Variants in INPP4B observed in about 807,000 individuals in gnomAD.
INPP4B encodes the protein inositol polyphosphate-4-phosphatase type II B.
A neutral mutation model predicts 122.5 loss-of-function variants in INPP4B; 55 were observed. That is an observed-to-expected ratio of 0.45 (90% CI 0.36 to 0.56). The LOEUF (loss-of-function observed/expected upper bound fraction) is 0.56, where lower values mean the gene tolerates loss of function less well. Among genes scored for constraint, INPP4B ranks in the 20% least tolerant of loss-of-function variants. The probability of loss-of-function intolerance (pLI) is 0.00; values close to 1 mark genes in which losing one functional copy is unlikely to be tolerated. For missense variants in INPP4B, 1,000 were observed against 1,097.7 expected (o/e 0.91, Z 1.26); for synonymous variants, 403 against 388.7 (o/e 1.04, Z -0.43).
At chr4:142,220,268 C>T (rs1366895156) in intron 12 of INPP4B, among the ~76,000 whole-genome samples, 1 of 152,176 alleles carries the variant, frequency 6.6e-6, no homozygotes, top group Non-Finnish European at 1.5e-5. Flanking sequence ...AGGCTCCCAC[C>T]TGAGGGACTC....
rs1010557593 is a variant in INPP4B at position 142,567,550 on chromosome 4, T to G, written c.-190-104824A>C. ...AAAGGTAGAATGAACAAGAGAAGTA[T>G]CCTTCATTTTAGGTAATACATGAAA... On this transcript the variant is annotated intron_variant, in intron 2 of 25. Transcript: ENST00000262992. Among the ~76,000 whole-genome samples, 6 of 152,302 alleles carry G rather than the reference T, an allele frequency of 3.9e-5. No homozygotes were observed. In the East Asian group the frequency reaches 1.2e-3, roughly 29 times the overall value.
chr4:142,464,182 T>C (rs1817281122), intron 2 of INPP4B, among the ~76,000 whole-genome samples: 1 of 152,172 alleles, frequency 6.6e-6, no homozygotes, highest in Non-Finnish European at 1.5e-5. Context: ...AATTTACTAT[T>C]ATATATAATT....
intron 7 of INPP4B, among the ~76,000 whole-genome samples, chr4:142,368,077 A>G (rs1175117718): frequency 6.6e-6 from 1 of 152,200 alleles, no homozygotes; most frequent in Non-Finnish European, 1.5e-5. Flanking sequence ...GCAACCGTGT[A>G]AGCTCTCCAA....
At chr4:142,842,485 G>A (rs1783613358) in intron 1 of INPP4B, among the ~76,000 whole-genome samples, 1 of 144,818 alleles carries the variant, frequency 6.9e-6, no homozygotes, top group Non-Finnish European at 1.5e-5. Flanking sequence ...ATAAGATAGT[G>A]AGTACAACTG....
At chr4:142,616,787 C>G (rs1218903534) in intron 2 of INPP4B, among the ~76,000 whole-genome samples, 1 of 152,028 alleles carries the variant, frequency 6.6e-6, no homozygotes, top group Non-Finnish European at 1.5e-5. Flanking sequence ...TCTTTTACAG[C>G]AACATGGATA....
intron 22 of INPP4B, among the ~76,000 whole-genome samples, chr4:142,111,860 T>C (rs1219842950): frequency 6.6e-6 from 1 of 151,938 alleles, no homozygotes; most frequent in African/African-American, 2.4e-5. Flanking sequence ...TCTCCTGCCT[T>C]AGCCTCCTGA....
chr4:142,075,190 C>T (rs10006618), intron 25 of INPP4B, among the ~76,000 whole-genome samples: 3,893 of 152,068 alleles, frequency 0.026, 193 homozygotes, highest in African/African-American at 0.089. Context: ...AGTAGATATA[C>T]AAAAGATGTT....
intron 25 of INPP4B, among the ~76,000 whole-genome samples, chr4:142,042,945 G>A (rs1284666194): frequency 6.6e-6 from 1 of 152,110 alleles, no homozygotes; most frequent in Non-Finnish European, 1.5e-5. Flanking sequence ...GAAATGGATG[G>A]AGCGAACTAT....
chr4:142,723,717 AT>A (rs1764986303), intron 2 of INPP4B, among the ~76,000 whole-genome samples: 1 of 152,152 alleles, frequency 6.6e-6, no homozygotes, highest in Admixed American at 6.5e-5. Flanking sequence ...GAATGGTTCC[AT>A]TTGTTTAAAA....
chr4:142,135,915 G>T (rs908853250), intron 18 of INPP4B, among the ~76,000 whole-genome samples: 4 of 152,136 alleles, frequency 2.6e-5, no homozygotes, highest in Non-Finnish European at 5.9e-5. Flanking sequence ...TCCTGCCTCA[G>T]CCTCCTGAGT....
chr4:142,741,811 AAGAAGAG>A (rs1767941995), intron 1 of INPP4B, among the ~76,000 whole-genome samples: 1 of 151,882 alleles, frequency 6.6e-6, no homozygotes, highest in Non-Finnish European at 1.5e-5. Flanking sequence ...AGATTCCCTG[AAGAAGAG>A]AGAAGAGAGA....
intron 9 of INPP4B, chr4:142,287,521 A>G (rs981737045): frequency 6.6e-6 from 1 of 152,162 alleles, no homozygotes; most frequent in Non-Finnish European, 1.5e-5. Flanking sequence ...CGGCTTACTA[A>G]GCATTTCCGA....
intron 2 of INPP4B, among the ~76,000 whole-genome samples, chr4:142,610,163 T>G (rs1439713652): frequency 1.3e-5 from 2 of 152,082 alleles, no homozygotes; most frequent in African/African-American, 4.8e-5. Context: ...TCCATACTGT[T>G]CTCATGGTAG....
intron 2 of INPP4B, among the ~76,000 whole-genome samples, chr4:142,485,637 C>T (rs1272689829): frequency 6.6e-6 from 1 of 151,966 alleles, no homozygotes; most frequent in East Asian, 1.9e-4. Flanking sequence ...TTGTAAGATC[C>T]ATTGCACAAA....
intron 7 of INPP4B, among the ~76,000 whole-genome samples, chr4:142,321,685 T>C (rs1770103575): frequency 6.6e-6 from 1 of 152,072 alleles, no homozygotes; most frequent in Non-Finnish European, 1.5e-5. Flanking sequence ...TTGAATAGAG[T>C]GTCCTTTCCC....
chr4:142,395,608 A>C (rs1039491573), intron 7 of INPP4B, among the ~76,000 whole-genome samples: 1 of 152,200 alleles, frequency 6.6e-6, no homozygotes, highest in Non-Finnish European at 1.5e-5. Context: ...TTAGCACTGC[A>C]ACATTCATTG....
chr4:142,244,287 C>CTTTTTTTTTTTTTT (rs56945961), intron 11 of INPP4B, among the ~76,000 whole-genome samples: 1 of 73,750 alleles, frequency 1.4e-5, no homozygotes, highest in Admixed American at 1.7e-4. Context: ...GTATATGTGC[C>CTTTTTTTTTTTTTT]TTTTTTTTTT....
chr4:142,716,159 C>T (rs1399255764), intron 2 of INPP4B, among the ~76,000 whole-genome samples: 1 of 152,168 alleles, frequency 6.6e-6, no homozygotes, highest in Non-Finnish European at 1.5e-5. Context: ...ATAGTCCTCA[C>T]CTCTTGATGG....
intron 2 of INPP4B, among the ~76,000 whole-genome samples, chr4:142,659,165 C>A (rs766978049): frequency 6.6e-6 from 1 of 151,316 alleles, no homozygotes; most frequent in Non-Finnish European, 1.5e-5. Context: ...TTTGGGAGGC[C>A]GAGGCGGGCA....
Sources: gnomAD v4.1 joint callset for allele counts (sites outside exome capture counted in the v4.1 genomes callset) on GRCh38, gnomAD v4.1.1 for gene constraint, MANE v1.5 for transcripts, NCBI Gene and HGNC (gene_info 2026-07-23, HGNC 2026-07-21) for gene names.